Variants in ZNF804B observed in about 807,000 individuals in gnomAD.
The protein encoded by ZNF804B is zinc finger protein 804B.
ZNF804B carries 80 observed loss-of-function variants against 101.4 expected under a neutral mutation model. The observed-to-expected ratio is 0.79, with a 90% CI of 0.66 to 0.95. The LOEUF (loss-of-function observed/expected upper bound fraction) is 0.95, where lower values mean the gene tolerates loss of function less well. ZNF804B is among the 40% of genes least tolerant of loss of function. The pLI, the probability that ZNF804B is intolerant of heterozygous loss-of-function variation, is 0.00. For missense variants in ZNF804B, 1,673 were observed against 1,561.9 expected (o/e 1.07, Z -1.20); for synonymous variants, 622 against 558.8 (o/e 1.11, Z -1.59).
At chr7:88,897,233 T>C (rs1792304816) in intron 1 of ZNF804B, among the ~76,000 whole-genome samples, 1 of 152,112 alleles carries the variant, frequency 6.6e-6, no homozygotes, top group Non-Finnish European at 1.5e-5. Flanking sequence ...ATTATCTAAG[T>C]AGGCCCAAAT....
chr7:88,877,248 A>C (rs1403471936), intron 1 of ZNF804B, among the ~76,000 whole-genome samples: 1 of 150,392 alleles, frequency 6.6e-6, no homozygotes, highest in Non-Finnish European at 1.5e-5. Context: ...CAAAATGACT[A>C]ATCAAGTCTG....
intron 1 of ZNF804B, among the ~76,000 whole-genome samples, chr7:88,896,402 A>G (rs1176311040): frequency 6.6e-6 from 1 of 152,216 alleles, no homozygotes; most frequent in Non-Finnish European, 1.5e-5. Context: ...TTGCATAGAA[A>G]ATAAAAGGAA....
intron 1 of ZNF804B, among the ~76,000 whole-genome samples, chr7:89,162,158 A>G (rs572868163): frequency 6.6e-6 from 1 of 152,262 alleles, no homozygotes; most frequent in Admixed American, 6.5e-5. Flanking sequence ...GAATGGGAAT[A>G]TAATTTGCTA....
At position 88,981,897 on chromosome 7, in the gene ZNF804B, T is replaced by G. The variant is rs1005406714; in HGVS notation, c.108+221813T>G. 2.0e-5 allele frequency among the ~76,000 whole-genome samples: 3 copies of G among 152,130 alleles called. No individual in the cohort carries two copies. The South Asian group carries it at 6.2e-4, about 32-fold the overall frequency. On this transcript the variant is annotated intron_variant, in intron 1 of 3. Transcript: ENST00000333190. ...GTGGTGTAGATAATGCAACACTGTC[T>G]TTCATACCCTCTTTAGTGCCTCTTT... is the stretch of plus-strand genomic sequence containing the variant.
intron 1 of ZNF804B, among the ~76,000 whole-genome samples, chr7:88,863,186 A>G (rs1791675841): frequency 2.0e-5 from 3 of 152,056 alleles, no homozygotes; most frequent in African/African-American, 7.2e-5. Context: ...ATAGCTTTTC[A>G]CATGCTGTTC....
chr7:88,812,899 G>A (rs75034866), intron 1 of ZNF804B, among the ~76,000 whole-genome samples: 4,066 of 151,828 alleles, frequency 0.027, 156 homozygotes, highest in African/African-American at 0.08. Context: ...TAGGGACCAA[G>A]GAGAGGGGAA....
At chr7:89,129,563 T>C (rs891343658) in intron 1 of ZNF804B, among the ~76,000 whole-genome samples, 5 of 151,932 alleles carry the variant, frequency 3.3e-5, no homozygotes, top group Non-Finnish European at 7.4e-5. Flanking sequence ...GTTCTCAGAG[T>C]CTTAGATGAG....
intron 1 of ZNF804B, among the ~76,000 whole-genome samples, chr7:89,213,122 T>C (rs909487085): frequency 6.6e-6 from 1 of 152,132 alleles, no homozygotes; most frequent in Non-Finnish European, 1.5e-5. Context: ...GATTTTTTTT[T>C]CCTATTATAA....
At chr7:89,009,235 T>G (rs531363838) in intron 1 of ZNF804B, among the ~76,000 whole-genome samples, 1 of 152,304 alleles carries the variant, frequency 6.6e-6, no homozygotes, top group African/African-American at 2.4e-5. Context: ...TATCACTTTC[T>G]TAATCTATTT....
chr7:89,276,304 C>T (rs1247372252), intron 2 of ZNF804B, among the ~76,000 whole-genome samples: 1 of 151,772 alleles, frequency 6.6e-6, no homozygotes, highest in Non-Finnish European at 1.5e-5. Context: ...GCACATCCTG[C>T]ACATGTACCC....
intron 1 of ZNF804B, among the ~76,000 whole-genome samples, chr7:88,967,969 G>A (rs187452881): frequency 5.9e-5 from 9 of 151,538 alleles, no homozygotes; most frequent in Admixed American, 5.9e-4. Flanking sequence ...CTTTGGCTTG[G>A]TTGGTAATTT....
At chr7:88,832,642 G>C (rs1199348126) in intron 1 of ZNF804B, among the ~76,000 whole-genome samples, 3 of 151,838 alleles carry the variant, frequency 2.0e-5, no homozygotes, top group African/African-American at 7.2e-5. Context: ...ATATAAAATA[G>C]ATTTGATTTT....
At chr7:89,171,291 T>G (rs28571181) in intron 1 of ZNF804B, among the ~76,000 whole-genome samples, 2,873 of 47,198 alleles carry the variant, frequency 0.061, 87 homozygotes, top group African/African-American at 0.12. Flanking sequence ...TGCTGCTGCT[T>G]CTTCTTCTTC....
At chr7:89,203,129 T>C (rs1232598065) in intron 1 of ZNF804B, among the ~76,000 whole-genome samples, 1 of 152,060 alleles carries the variant, frequency 6.6e-6, no homozygotes, top group Admixed American at 6.6e-5. Context: ...GTATGGATTC[T>C]CCAAGAGCTG....
At chr7:89,012,896 A>G (rs972044684) in intron 1 of ZNF804B, among the ~76,000 whole-genome samples, 15 of 152,200 alleles carry the variant, frequency 9.9e-5, no homozygotes, top group African/African-American at 3.4e-4. Flanking sequence ...TTTATAAAGA[A>G]AAGAGGTTTA....
rs745767209 is a variant in ZNF804B, at chr7:88,922,610, C to CAT, written c.108+162542_108+162543dup. Among the ~76,000 whole-genome samples, 607 of 136,170 alleles carry CAT rather than the reference C, an allele frequency of 4.5e-3. 1 individual carries two copies. Among genetic ancestry groups the CAT allele is most frequent in the East Asian group, 0.012 (50 of 4,168 alleles). The allele number at this position is 136,170 out of a possible 152,430, so 89.3% of individuals were successfully genotyped here. A position where few individuals can be genotyped will look rare whatever the true frequency, so the allele number is the denominator to read the frequency against. On this transcript the variant is annotated intron_variant, in intron 1 of 3. Transcript: ENST00000333190. The stretch of plus-strand genomic sequence containing the variant: ...TGTAACTAAAAGCTAATTACAGATA[C>CAT]ATATATATATATATATACACACACA...
At chr7:88,965,027 A>G (rs1415183957) in intron 1 of ZNF804B, among the ~76,000 whole-genome samples, 1 of 151,450 alleles carries the variant, frequency 6.6e-6, no homozygotes, top group Non-Finnish European at 1.5e-5. Flanking sequence ...TAAGGTGCCA[A>G]TACTTGAAAA....
chr7:89,210,208 G>A (rs1788781499), intron 1 of ZNF804B, among the ~76,000 whole-genome samples: 1 of 151,330 alleles, frequency 6.6e-6, no homozygotes, highest in Non-Finnish European at 1.5e-5. Flanking sequence ...TAATATTAAT[G>A]TTAATTAAGT....
intron 1 of ZNF804B, among the ~76,000 whole-genome samples, chr7:88,933,042 C>T (rs1048297641): frequency 8.6e-5 from 13 of 151,588 alleles, no homozygotes; most frequent in African/African-American, 2.7e-4. Flanking sequence ...TGCAAAAATT[C>T]CCAACAAAAT....
Sources: allele counts gnomAD v4.1 joint callset (sites outside exome capture counted in the v4.1 genomes callset), GRCh38; gene constraint gnomAD v4.1.1; transcripts MANE v1.5; gene names NCBI Gene and HGNC (gene_info 2026-07-23, HGNC 2026-07-21).